Variants in LRRC49 observed in about 807,000 individuals in gnomAD.
LRRC49 encodes leucine-rich repeat-containing protein 49.
A neutral mutation model predicts 83.3 loss-of-function variants in LRRC49; 50 were observed. The ratio of observed to expected loss-of-function variants is 0.60; its 90% CI spans 0.48 to 0.76. The LOEUF is 0.76. Ranked by LOEUF, LRRC49 falls within the 30% of genes least tolerant of loss-of-function variation. The probability of loss-of-function intolerance (pLI) is 0.00; values close to 1 mark genes in which losing one functional copy is unlikely to be tolerated. For missense variants in LRRC49, 704 were observed against 809.1 expected, an observed-to-expected ratio of 0.87 and a Z score of 1.58; for synonymous variants, 286 against 283.3, an observed-to-expected ratio of 1.01 and a Z score of -0.10.
rs533216849 is a variant in LRRC49 at position 70,989,735 on chromosome 15, C to T, written c.1169+5478C>T. On this transcript the variant is annotated intron_variant, in intron 11 of 15. Transcript: ENST00000260382. ...CTTTTTAGAGTTTCCAGTTTTTCTGCTCTGTTTTTTCCCCATCTTTGTGGT... is the reference window on the plus strand; with the variant it reads ...CTTTTTAGAGTTTCCAGTTTTTCTGTTCTGTTTTTTCCCCATCTTTGTGGT... Among the ~76,000 whole-genome samples, 30 of 152,272 alleles carry T rather than the reference C, an allele frequency of 2.0e-4. No individual in the cohort carries two copies. The South Asian group carries it at 5.4e-3, about 27-fold the overall frequency.
At chr15:70,951,166 G>T (rs187040368) in intron 8 of LRRC49, among the ~76,000 whole-genome samples, 15 of 152,168 alleles carry the variant, frequency 9.9e-5, no homozygotes, top group East Asian at 7.7e-4. Flanking sequence ...CTGTAGCTTT[G>T]TAATATAGTT....
intron 2 of LRRC49, among the ~76,000 whole-genome samples, chr15:70,877,365 A>C (rs1288585492): frequency 6.6e-6 from 1 of 152,204 alleles, no homozygotes; most frequent in Non-Finnish European, 1.5e-5. Flanking sequence ...CCTCTGCCCT[A>C]GTCCCAAGCA....
intron 14 of LRRC49, among the ~76,000 whole-genome samples, chr15:71,014,765 A>G (rs1381298650): frequency 6.6e-6 from 1 of 152,212 alleles, no homozygotes; most frequent in Non-Finnish European, 1.5e-5. Flanking sequence ...GCATATATTG[A>G]CAAATTTTTC....
intron 11 of LRRC49, among the ~76,000 whole-genome samples, chr15:71,000,448 C>T (rs1720369080): frequency 6.6e-6 from 1 of 152,120 alleles, no homozygotes; most frequent in South Asian, 2.1e-4. Flanking sequence ...GTATTTAAGT[C>T]TCTATAATAT....
At chr15:70,910,905 C>T (rs753421943) in intron 5 of LRRC49, among the ~76,000 whole-genome samples, 3 of 151,878 alleles carry the variant, frequency 2.0e-5, no homozygotes, top group Non-Finnish European at 4.4e-5. Flanking sequence ...TTTTAGGCTA[C>T]GATCAATTCT....
intron 7 of LRRC49, among the ~76,000 whole-genome samples, chr15:70,925,170 G>C (rs1414920682): frequency 6.6e-6 from 1 of 151,986 alleles, no homozygotes; most frequent in East Asian, 1.9e-4. Context: ...ATGTGGACTT[G>C]GTTATGCTGT....
intron 4 of LRRC49, among the ~76,000 whole-genome samples, chr15:70,901,681 C>G (rs2034086419): frequency 6.6e-6 from 1 of 152,184 alleles, no homozygotes; most frequent in Non-Finnish European, 1.5e-5. Context: ...TACCCTATAA[C>G]ATAATAACTA....
chr15:70,983,678 T>A (rs950932193), intron 10 of LRRC49, among the ~76,000 whole-genome samples: 8 of 152,148 alleles, frequency 5.3e-5, no homozygotes, highest in African/African-American at 1.7e-4. Flanking sequence ...AATTATTGAG[T>A]AGAAAAACTA....
At chr15:70,889,358 T>TCC (rs200790839), upstream of LRRC49, among the ~76,000 whole-genome samples, 2 of 147,372 alleles carry the variant, frequency 1.4e-5, no homozygotes, top group Admixed American at 6.8e-5. Flanking sequence ...TTATATGAAA[T>TCC]CCCCCCCCCA....
upstream of LRRC49, chr15:70,892,560 A>AGAG (rs1324842034): frequency 4.0e-6 from 6 of 1,497,806 alleles, no homozygotes; most frequent in Non-Finnish European, 5.3e-6. Flanking sequence ...TGGGCCGTAA[A>AGAG]GAGGAACGGA....
intron 1 of LRRC49, among the ~76,000 whole-genome samples, chr15:70,867,642 A>T (rs2032941009): frequency 6.6e-6 from 1 of 152,196 alleles, no homozygotes; most frequent in Non-Finnish European, 1.5e-5. Flanking sequence ...TGCTGTTCCC[A>T]TTATCCCACC....
At chr15:70,902,478 A>G (rs1328097551) in intron 4 of LRRC49, 1 of 152,240 alleles carries the variant, frequency 6.6e-6, no homozygotes, top group Non-Finnish European at 1.5e-5. Context: ...TGACAGAATC[A>G]CAAAGATATC....
intron 8 of LRRC49, among the ~76,000 whole-genome samples, chr15:70,947,801 T>C (rs2036062264): frequency 6.6e-6 from 1 of 152,156 alleles, no homozygotes; most frequent in South Asian, 2.1e-4. Context: ...ATTGTGTTCA[T>C]TTAGGTCAGG....
chr15:70,895,098 C>T (rs2033774956), intron 2 of LRRC49, among the ~76,000 whole-genome samples: 1 of 151,994 alleles, frequency 6.6e-6, no homozygotes, highest in South Asian at 2.1e-4. Flanking sequence ...CATATAATTC[C>T]TAAGGATATA....
At chr15:70,865,394 T>G (rs1595967373) in intron 1 of LRRC49, among the ~76,000 whole-genome samples, 1 of 152,190 alleles carries the variant, frequency 6.6e-6, no homozygotes, top group African/African-American at 2.4e-5. Context: ...AACCACAATA[T>G]CATGGTTGCG....
intron 9 of LRRC49, 33 bp from the exon 10 acceptor site, chr15:70,980,068 T>G (rs891337510): frequency 7.0e-7 from 1 of 1,432,040 alleles, no homozygotes. Context: ...ATGGTTAAAC[T>G]CTTCATAATA....
intron 2 of LRRC49, among the ~76,000 whole-genome samples, chr15:70,880,612 T>C (rs1397274182): frequency 2.0e-5 from 3 of 152,208 alleles, no homozygotes; most frequent in African/African-American, 7.2e-5. Flanking sequence ...AAGCCAGTAT[T>C]TCCTTTTACT....
At chr15:71,013,752 G>T (rs138002201) in intron 14 of LRRC49, among the ~76,000 whole-genome samples, 1 of 152,176 alleles carries the variant, frequency 6.6e-6, no homozygotes, top group Non-Finnish European at 1.5e-5. Flanking sequence ...ATTTGAAAGC[G>T]TTGAGGAAGC....
chr15:70,926,625 G>A (rs892874202), intron 7 of LRRC49, among the ~76,000 whole-genome samples: 3 of 151,980 alleles, frequency 2.0e-5, no homozygotes, highest in Non-Finnish European at 4.4e-5. Context: ...CCATTAACTT[G>A]TCATTTAATA....
Sources: allele counts gnomAD v4.1 joint callset (sites outside exome capture counted in the v4.1 genomes callset), GRCh38; gene constraint gnomAD v4.1.1; transcripts MANE v1.5; gene names NCBI Gene and HGNC (gene_info 2026-07-23, HGNC 2026-07-21).